Variants in RAB2A observed in about 807,000 individuals in gnomAD.
RAB2A encodes RAB2A, member RAS oncogene family.
RAB2A carries 7 observed loss-of-function variants against 32.5 expected under a neutral mutation model. The ratio of observed to expected loss-of-function variants is 0.22; its 90% CI spans 0.12 to 0.40. The LOEUF is 0.40. Among genes scored for constraint, RAB2A ranks in the 10% least tolerant of loss-of-function variants. The pLI is 1.00. For synonymous variants in RAB2A, 79 were observed against 85.2 expected (o/e 0.93, Z 0.40); for missense variants, 108 against 260.7 (o/e 0.41, Z 4.03).
At chr8:60,559,856 T>C (rs193031208) in intron 2 of RAB2A, among the ~76,000 whole-genome samples, 2 of 152,352 alleles carry the variant, frequency 1.3e-5, no homozygotes, top group Admixed American at 1.3e-4. Flanking sequence ...ATCCTTATGT[T>C]CTGTGTGTTT....
At chr8:60,600,766 C>A (rs1156646999) in intron 6 of RAB2A, among the ~76,000 whole-genome samples, 1 of 152,202 alleles carries the variant, frequency 6.6e-6, no homozygotes, top group Non-Finnish European at 1.5e-5. Flanking sequence ...TACTATACAG[C>A]AATCTGGATA....
At position 60,567,817 on chromosome 8, in the gene RAB2A, A is replaced by G. The variant is rs530199559; in HGVS notation, c.119-4229A>G. Among the ~76,000 whole-genome samples the G allele has an allele frequency of 5.3e-5, 8 of 152,114 alleles. No individual in the cohort carries two copies. The South Asian group carries it at 1.5e-3, about 28-fold the overall frequency. On this transcript the variant is annotated intron_variant, in intron 2 of 7. Transcript: ENST00000262646. ...TGTTCTAGGTAGACTTTTTAGTCCT[A>G]TCTGTAAGTTACAATTTTTTCCTAA...
intron 1 of RAB2A, among the ~76,000 whole-genome samples, chr8:60,523,239 C>A (rs982421420): frequency 6.6e-6 from 1 of 150,740 alleles, no homozygotes; most frequent in Non-Finnish European, 1.5e-5. Context: ...CTCACTGCAA[C>A]TTCTGCCTCC....
At chr8:60,559,783 C>T (rs971721362) in intron 2 of RAB2A, among the ~76,000 whole-genome samples, 1 of 152,154 alleles carries the variant, frequency 6.6e-6, no homozygotes, top group East Asian at 1.9e-4. Flanking sequence ...CTTAATGAAT[C>T]TTTTTAGCCA....
intron 1 of RAB2A, among the ~76,000 whole-genome samples, chr8:60,527,497 A>T (rs1052033286): frequency 1.3e-5 from 2 of 152,210 alleles, no homozygotes; most frequent in African/African-American, 4.8e-5. Context: ...CAGGAGAGGG[A>T]CAATGGAGGA....
At position 60,622,714 on chromosome 8, in the gene RAB2A, C is replaced by T. The variant is rs996011014; in HGVS notation, c.*1945C>T. 1.3e-5 allele frequency: 2 copies of T among 152,062 alleles called. No homozygotes were observed. Among genetic ancestry groups the T allele is most frequent in the African/African-American group, 4.8e-5 (2 of 41,392 alleles). The allele number at this position is 152,062 out of a possible 1,614,324, so 9.4% of individuals were successfully genotyped here. On this transcript the variant is annotated 3_prime_UTR_variant, in exon 8 of 8. Coordinates refer to ENST00000262646, the MANE Select transcript of RAB2A (RefSeq NM_002865.3). ...ACTTAATGGCAAATAAACAACAAAC[C>T]AGGACATGCATTTTAATACCCTAAG...
At chr8:60,594,429 T>A (rs991852989) in intron 6 of RAB2A, among the ~76,000 whole-genome samples, 1 of 152,184 alleles carries the variant, frequency 6.6e-6, no homozygotes, top group Non-Finnish European at 1.5e-5. Flanking sequence ...TGATAGCAGA[T>A]TTCTCATCAG....
At chr8:60,519,542 A>T (rs1024546366) in intron 1 of RAB2A, among the ~76,000 whole-genome samples, 1 of 152,198 alleles carries the variant, frequency 6.6e-6, no homozygotes, top group African/African-American at 2.4e-5. Flanking sequence ...TTTTCACAGT[A>T]TCCTGGCTGA....
At chr8:60,558,243 A>G (rs188878473) in intron 1 of RAB2A, among the ~76,000 whole-genome samples, 35 of 152,316 alleles carry the variant, frequency 2.3e-4, no homozygotes, top group Middle Eastern at 3.4e-3. Context: ...TCAGTATCCA[A>G]TTTTCCTTAG....
intron 5 of RAB2A, among the ~76,000 whole-genome samples, chr8:60,585,608 C>T (rs929485762): frequency 2.6e-5 from 4 of 152,130 alleles, no homozygotes; most frequent in Admixed American, 1.3e-4. Context: ...CCACCACACC[C>T]GGCCCATTCA....
intron 6 of RAB2A, among the ~76,000 whole-genome samples, chr8:60,593,325 A>G (rs189127334): frequency 2.2e-4 from 33 of 152,334 alleles, no homozygotes; most frequent in Admixed American, 2.1e-3. Context: ...TGACACAGTG[A>G]TGATTTCCCT....
intron 6 of RAB2A, among the ~76,000 whole-genome samples, chr8:60,602,969 G>T (rs1804161068): frequency 6.6e-6 from 1 of 152,156 alleles, no homozygotes; most frequent in Non-Finnish European, 1.5e-5. Flanking sequence ...TTGCTCTCTG[G>T]AGGACTCTCT....
intron 1 of RAB2A, among the ~76,000 whole-genome samples, chr8:60,554,847 C>T (rs989239214): frequency 2.7e-5 from 4 of 150,674 alleles, no homozygotes; most frequent in African/African-American, 4.9e-5. Context: ...AGCGAGACTC[C>T]GTCTCAAAAA....
rs534338783 is a variant in RAB2A, at chr8:60,522,070, A to C, written c.46+4817A>C. Among the ~76,000 whole-genome samples the C allele has an allele frequency of 2.6e-5, 4 of 152,316 alleles. No homozygotes were observed. The South Asian group carries it at 8.3e-4, about 32-fold the overall frequency. On this transcript the variant is annotated intron_variant, in intron 1 of 7. Transcript: ENST00000262646. ...ATTGACAGATGAAAGCTTGGATGTA[A>C]TGGTGGGAAATACTAGTGTTCATGG...
rs193026646 is a variant in RAB2A, at chr8:60,520,245, A to G, written c.46+2992A>G. Reference sequence around the variant, plus strand: ...ACTTTTACATGATCATGATGATACTATTGAGCTGTTTTCTTACTGTAAGAC... The same window carrying G: ...ACTTTTACATGATCATGATGATACTGTTGAGCTGTTTTCTTACTGTAAGAC... On this transcript the variant is annotated intron_variant, in intron 1 of 7. Coordinates refer to ENST00000262646, the MANE Select transcript of RAB2A (RefSeq NM_002865.3). 1.7e-4 allele frequency among the ~76,000 whole-genome samples: 26 copies of G among 152,302 alleles called. No individual in the cohort carries two copies. The East Asian group carries it at 4.1e-3, about 24-fold the overall frequency.
intron 3 of RAB2A, among the ~76,000 whole-genome samples, chr8:60,578,575 G>T (rs1270275458): frequency 6.6e-6 from 1 of 152,176 alleles, no homozygotes; most frequent in Non-Finnish European, 1.5e-5. Context: ...GCAAGATTTT[G>T]AATAAGAAAA....
At chr8:60,531,736 G>A (rs1200045920) in intron 1 of RAB2A, among the ~76,000 whole-genome samples, 1 of 151,532 alleles carries the variant, frequency 6.6e-6, no homozygotes, top group Non-Finnish European at 1.5e-5. Flanking sequence ...TATCAAGGAG[G>A]TACTGTTTTT....
chr8:60,569,809 C>T, intron 2 of RAB2A: 1 of 339,198 alleles, frequency 2.9e-6, no homozygotes, highest in South Asian at 2.2e-5. Flanking sequence ...AGCCTCTGGG[C>T]CCAGCTGATC....
chr8:60,581,766 C>T (rs1313032946), intron 3 of RAB2A, among the ~76,000 whole-genome samples: 5 of 152,090 alleles, frequency 3.3e-5, no homozygotes, highest in Admixed American at 1.3e-4. Context: ...AGCACTTTTA[C>T]GAGACCGAGA....
Sources: allele counts gnomAD v4.1 joint callset (sites outside exome capture counted in the v4.1 genomes callset), GRCh38; gene constraint gnomAD v4.1.1; transcripts MANE v1.5; gene names NCBI Gene and HGNC (gene_info 2026-07-23, HGNC 2026-07-21).